SYT16: variants seen among roughly 807,000 people sequenced by gnomAD.
The protein encoded by SYT16 is synaptotagmin-16.
Under a neutral mutation model 61.4 loss-of-function variants are expected in SYT16, and 42 were observed. That is an observed-to-expected ratio of 0.68 (90% CI 0.53 to 0.89). The LOEUF (loss-of-function observed/expected upper bound fraction) is 0.89, where lower values mean the gene tolerates loss of function less well. Ranked by LOEUF, SYT16 falls within the 40% of genes least tolerant of loss-of-function variation. The pLI is 0.00. For synonymous variants in SYT16, 314 were observed against 302.3 expected, an observed-to-expected ratio of 1.04 and a Z score of -0.40; for missense variants, 804 against 807.3, an observed-to-expected ratio of 1.00 and a Z score of 0.05.
At chr14:61,856,890 GGTA>G (rs1387659276) in intron 1 of SYT16, among the ~76,000 whole-genome samples, 1 of 152,128 alleles carries the variant, frequency 6.6e-6, no homozygotes, top group African/African-American at 2.4e-5. Flanking sequence ...CGGTCAATGA[GGTA>G]GGAGGAAACA....
chr14:61,852,501 A>C (rs1272568149), intron 1 of SYT16, among the ~76,000 whole-genome samples: 2 of 152,214 alleles, frequency 1.3e-5, no homozygotes, highest in African/African-American at 4.8e-5. Flanking sequence ...TCTATAAACT[A>C]CTTTGGGCAG....
chr14:61,960,334 C>T (rs1055810642), intron 1 of SYT16, among the ~76,000 whole-genome samples: 4 of 152,122 alleles, frequency 2.6e-5, no homozygotes, highest in Non-Finnish European at 5.9e-5. Flanking sequence ...TACCCATGAG[C>T]GTGGAATGTT....
At chr14:61,833,622 G>A (rs2046015272) in intron 1 of SYT16, among the ~76,000 whole-genome samples, 1 of 147,758 alleles carries the variant, frequency 6.8e-6, no homozygotes, top group Non-Finnish European at 1.5e-5. Flanking sequence ...GTTTTGCCAT[G>A]TTGGCCAGGC....
chr14:62,057,264 C>T (rs945329287), intron 3 of SYT16, among the ~76,000 whole-genome samples: 1 of 152,186 alleles, frequency 6.6e-6, no homozygotes, highest in Non-Finnish European at 1.5e-5. Flanking sequence ...CAAGTTGACA[C>T]TCAATATTAA....
chr14:61,973,190 T>A (rs2051636997), intron 2 of SYT16, among the ~76,000 whole-genome samples: 1 of 152,190 alleles, frequency 6.6e-6, no homozygotes, highest in Non-Finnish European at 1.5e-5. Flanking sequence ...GCAAAATGAT[T>A]TGCTTGACAA....
At chr14:62,023,873 G>C (rs10137861) in intron 3 of SYT16, among the ~76,000 whole-genome samples, 25,802 of 152,006 alleles carry the variant, frequency 0.17, 3,472 homozygotes, top group African/African-American at 0.37. Flanking sequence ...AACATTGGTA[G>C]TGTATTCTTT....
chr14:62,005,420 GTTCCT>G (rs1566756904), intron 3 of SYT16, among the ~76,000 whole-genome samples: 23 of 152,082 alleles, frequency 1.5e-4, no homozygotes, highest in African/African-American at 5.6e-4. Flanking sequence ...GAGTCCCAAG[GTTCCT>G]ATCCATTCTG....
At chr14:62,097,056 TG>T (rs2057296118) in intron 7 of SYT16, among the ~76,000 whole-genome samples, 2 of 152,086 alleles carry the variant, frequency 1.3e-5, no homozygotes, top group South Asian at 4.1e-4. Flanking sequence ...ATGCTGTAAA[TG>T]GGTAGGTATT....
At chr14:62,086,348 T>G (rs750663261) in intron 7 of SYT16, among the ~76,000 whole-genome samples, 109 of 152,064 alleles carry the variant, frequency 7.2e-4, no homozygotes, top group Non-Finnish European at 1.3e-3. Flanking sequence ...AGCTTGGTGG[T>G]GCACGCCTGT....
At chr14:61,827,871 T>C (rs2045820052) in intron 1 of SYT16, among the ~76,000 whole-genome samples, 2 of 152,236 alleles carry the variant, frequency 1.3e-5, no homozygotes, top group Admixed American at 1.3e-4. Flanking sequence ...TTATATATTA[T>C]ATTCATATTC....
At chr14:62,058,968 G>A (rs928699629) in intron 3 of SYT16, among the ~76,000 whole-genome samples, 3 of 152,126 alleles carry the variant, frequency 2.0e-5, no homozygotes, top group Admixed American at 2.0e-4. Context: ...ACTAACACAG[G>A]AGCAGAAAAT....
At chr14:62,068,024 A>T (rs1346093765) in intron 3 of SYT16, among the ~76,000 whole-genome samples, 3 of 152,108 alleles carry the variant, frequency 2.0e-5, no homozygotes, top group Non-Finnish European at 2.9e-5. Flanking sequence ...CTACTATATG[A>T]TCCACAAGTC....
At chr14:61,871,497 C>T (rs926704758) in intron 1 of SYT16, among the ~76,000 whole-genome samples, 1 of 152,200 alleles carries the variant, frequency 6.6e-6, no homozygotes, top group Non-Finnish European at 1.5e-5. Context: ...TTGGGCTCCC[C>T]TTCCCTGTCC....
chr14:62,069,917 A>C, intron 4 of SYT16, 102 bp downstream of exon 4: 1 of 1,326,550 alleles, frequency 7.5e-7, no homozygotes, highest in Non-Finnish European at 1.0e-6. Flanking sequence ...GAGTCCAGAG[A>C]GGAAAAGAAA....
chr14:61,853,189 G>T (rs1180674018), intron 1 of SYT16, among the ~76,000 whole-genome samples: 1 of 152,232 alleles, frequency 6.6e-6, no homozygotes, highest in African/African-American at 2.4e-5. Flanking sequence ...AAAGTGCTGG[G>T]ATTACAGGCA....
chr14:61,908,054 C>T (rs1324962166), intron 1 of SYT16, among the ~76,000 whole-genome samples: 2 of 152,252 alleles, frequency 1.3e-5, no homozygotes, highest in Admixed American at 1.3e-4. Flanking sequence ...CTATACTTCA[C>T]AGTCCTCACC....
At chr14:61,951,325 G>T (rs1303967343) in intron 1 of SYT16, among the ~76,000 whole-genome samples, 1 of 152,124 alleles carries the variant, frequency 6.6e-6, no homozygotes, top group Non-Finnish European at 1.5e-5. Context: ...TTACTTTGGG[G>T]GTCAGGAGTT....
rs149321497 is a variant in SYT16, at chr14:61,930,928, C to T, written c.-324-39204C>T. On this transcript the variant is annotated intron_variant, in intron 1 of 7. Coordinates refer to ENST00000683842, the MANE Select transcript of SYT16 (RefSeq NM_001367656.1). Reference sequence around the variant, plus strand: ...TTTTAGTGCTTCTGGAATGGAATGCCGCCCTCCTCACACCTTGCTCTTAGC... The same window carrying T: ...TTTTAGTGCTTCTGGAATGGAATGCTGCCCTCCTCACACCTTGCTCTTAGC... 7.0e-3 allele frequency among the ~76,000 whole-genome samples: 1,069 copies of T among 152,222 alleles called. 8 individuals are homozygous for T. The highest frequency in any genetic ancestry group is 8.9e-3 in the Non-Finnish European group (603 of 68,016).
chr14:61,866,585 G>T (rs2047161945), intron 1 of SYT16, among the ~76,000 whole-genome samples: 1 of 151,902 alleles, frequency 6.6e-6, no homozygotes, highest in South Asian at 2.1e-4. Flanking sequence ...TAATATATGT[G>T]TTCAAATCTT....
Sources: allele counts gnomAD v4.1 joint callset (sites outside exome capture counted in the v4.1 genomes callset), GRCh38; gene constraint gnomAD v4.1.1; transcripts MANE v1.5; gene names NCBI Gene and HGNC (gene_info 2026-07-23, HGNC 2026-07-21).